PI4KA: variants seen among roughly 807,000 people sequenced by gnomAD.
PI4KA encodes the protein phosphatidylinositol 4-kinase alpha.
PI4KA carries 122 observed loss-of-function variants against 271.4 expected under a neutral mutation model. That is an observed-to-expected ratio of 0.45 (90% confidence interval 0.39 to 0.52). The LOEUF (loss-of-function observed/expected upper bound fraction) is 0.52. PI4KA is among the 20% of genes least tolerant of loss of function. The pLI, the probability that PI4KA is intolerant of heterozygous loss-of-function variation, is 0.00. For missense variants in PI4KA, 1,969 were observed against 2,769.1 expected, an observed-to-expected ratio of 0.71 and a Z score of 6.48; for synonymous variants, 1,041 against 1,078.8, an observed-to-expected ratio of 0.96 and a Z score of 0.69.
chr22:20,768,319 G>A (rs756831229), intron 19 of PI4KA, among the ~76,000 whole-genome samples: 3 of 151,982 alleles, frequency 2.0e-5, no homozygotes, highest in East Asian at 1.9e-4. Flanking sequence ...AGATCCTCCC[G>A]TGTTGGCCTC....
chr22:20,837,513 T>A (rs1017399126), intron 2 of PI4KA, among the ~76,000 whole-genome samples: 3 of 152,200 alleles, frequency 2.0e-5, no homozygotes, highest in Non-Finnish European at 4.4e-5. Flanking sequence ...TTGTTTCCAA[T>A]GTACAAATAC....
intron 3 of PI4KA, among the ~76,000 whole-genome samples, chr22:20,830,237 T>C (rs951704981): frequency 2.0e-5 from 3 of 152,232 alleles, no homozygotes; most frequent in Non-Finnish European, 4.4e-5. Flanking sequence ...CAGTGGGGTG[T>C]TGAAGTGTCC....
chr22:20,744,751 T>C (rs779541935), intron 29 of PI4KA, 31 bp from the exon 30 acceptor site: 5 of 1,549,352 alleles, frequency 3.2e-6, no homozygotes, highest in Admixed American at 1.7e-5. Flanking sequence ...TTGTAGACTA[T>C]GGCAGCACTA....
intron 1 of PI4KA, among the ~76,000 whole-genome samples, chr22:20,842,717 G>A (rs923012511): frequency 6.6e-6 from 1 of 151,942 alleles, no homozygotes; most frequent in Non-Finnish European, 1.5e-5. Context: ...GGAGGCTGAG[G>A]CACAAGAATT....
chr22:20,776,562 G>A (rs1933298412), intron 19 of PI4KA, among the ~76,000 whole-genome samples: 1 of 152,180 alleles, frequency 6.6e-6, no homozygotes, highest in South Asian at 2.1e-4. Flanking sequence ...GAAGACCCAA[G>A]GAATGGGACT....
chr22:20,813,271 G>C (rs1043136304), intron 8 of PI4KA, 87 bp downstream of exon 8: 14 of 989,980 alleles, frequency 1.4e-5, no homozygotes, highest in Non-Finnish European at 1.6e-5. Flanking sequence ...CTGGTACTCT[G>C]AGTTTTTCTT....
At chr22:20,813,575 C>T (rs1921355341) in intron 7 of PI4KA, 69 bp from the exon 8 acceptor site, 2 of 1,391,380 alleles carry the variant, frequency 1.4e-6, no homozygotes, top group Non-Finnish European at 1.0e-6. Context: ...CAAGCTGACT[C>T]CCCCAATAAC....
intron 19 of PI4KA, among the ~76,000 whole-genome samples, chr22:20,773,175 C>T (rs1268089973): frequency 6.6e-6 from 1 of 152,134 alleles, no homozygotes; most frequent in Admixed American, 6.5e-5. Flanking sequence ...CACTTCACTC[C>T]AGGAGTTCAA....
chr22:20,715,633 CCTGG>C (rs1925892708), intron 45 of PI4KA, among the ~76,000 whole-genome samples: 1 of 151,864 alleles, frequency 6.6e-6, no homozygotes, highest in Non-Finnish European at 1.5e-5. Flanking sequence ...TGCCACCGCG[CCTGG>C]CTAATTTGTG....
chr22:20,745,922 T>TC (rs1297001471), intron 29 of PI4KA, among the ~76,000 whole-genome samples: 1 of 150,744 alleles, frequency 6.6e-6, no homozygotes, highest in African/African-American at 2.4e-5. Context: ...CACTGCAGCC[T>TC]CCACCTCCCT....
chr22:20,727,779 T>C lies in PI4KA; in HGVS notation c.4768A>G (p.Ile1590Val), dbSNP rs543476122. The C allele has an allele frequency of 3.1e-6, 5 of 1,613,336 alleles. No individual in the cohort carries two copies. In the South Asian group the frequency reaches 4.4e-5, roughly 14 times the overall value. Residue 1590 changes from isoleucine to valine, a missense_variant, in exon 40 of 55, where the codon ATC (isoleucine) becomes GTC (valine). Physicochemically the swap from Ile to Val is conservative, Grantham distance 29. This residue lies in a region of PI4KA where 388 missense variants were observed against 521.5 expected (regional missense o/e 0.74). Coordinates refer to ENST00000255882, the MANE Select transcript of PI4KA (RefSeq NM_058004.4). ...PGAVSDVPEA[I>V]KFLVTWHTID... ...TGGTACGTGGGCTACACTACCTTGA[T>C]TGCTTCAGGCACATCACTAACGGCT...
intron 22 of PI4KA, among the ~76,000 whole-genome samples, chr22:20,764,008 T>C (rs1932265810): frequency 6.6e-6 from 1 of 152,196 alleles, no homozygotes; most frequent in Non-Finnish European, 1.5e-5. Flanking sequence ...GTTTTCCAAA[T>C]AGCCTTTCTC....
rs200605188 is a variant in PI4KA, at chr22:20,786,975, C to T, written c.2328+6218G>A. Reference sequence around the variant, plus strand: ...CCGCTGTCCACCCAAGTCCGCTTCACTGTCGACCGCCCCTTTCTTTTCCTC... The same window carrying T: ...CCGCTGTCCACCCAAGTCCGCTTCATTGTCGACCGCCCCTTTCTTTTCCTC... On this transcript the variant is annotated intron_variant, in intron 19 of 54. Transcript: ENST00000255882. 117 of 1,614,102 alleles carry T rather than the reference C, an allele frequency of 7.2e-5. No homozygotes were observed. The highest frequency in any genetic ancestry group is 9.7e-5 in the Non-Finnish European group (114 of 1,180,052).
intron 29 of PI4KA, 54 bp from the exon 30 acceptor site, chr22:20,744,774 G>T: frequency 7.0e-7 from 1 of 1,418,922 alleles, no homozygotes. Context: ...CTTTCCTCGT[G>T]TTTACCATGG....
At chr22:20,811,675 T>C (rs1208415505) in intron 8 of PI4KA, among the ~76,000 whole-genome samples, 1 of 147,506 alleles carries the variant, frequency 6.8e-6, no homozygotes, top group Non-Finnish European at 1.5e-5. Flanking sequence ...CCAAAATGTA[T>C]AGATAATGAT....
chr22:20,774,154 G>A (rs1933055415), intron 19 of PI4KA: 3 of 152,118 alleles, frequency 2.0e-5, no homozygotes, highest in African/African-American at 7.2e-5. Flanking sequence ...AGGTAAGTTG[G>A]GTTTCTAATG....
intron 19 of PI4KA, among the ~76,000 whole-genome samples, chr22:20,785,590 G>GT (rs1448620566): frequency 1.3e-5 from 2 of 152,038 alleles, no homozygotes; most frequent in East Asian, 3.9e-4. Flanking sequence ...GCATTGTCTA[G>GT]TATATACAGG....
At chr22:20,710,287 C>T (rs1336966097) in intron 52 of PI4KA, 25 of 549,690 alleles carry the variant, frequency 4.5e-5, no homozygotes, top group South Asian at 1.0e-4. Context: ...GATGCAGACA[C>T]GCTGACCTGC....
intron 40 of PI4KA, 52 bp downstream of exon 40, chr22:20,727,722 T>C: frequency 7.6e-6 from 10 of 1,317,672 alleles, no homozygotes; most frequent in Non-Finnish European, 1.1e-5. Context: ...CTGGGTGCAG[T>C]GTGCTATTTT....
Sources: gnomAD v4.1 joint callset for allele counts (sites outside exome capture counted in the v4.1 genomes callset) on GRCh38, gnomAD v4.1.1 for gene constraint, gnomAD v4.1.1 regional missense constraint, MANE v1.5 for transcripts, NCBI Gene and HGNC (gene_info 2026-07-23, HGNC 2026-07-21) for gene names.